The following FDFT1 variants were observed in gnomAD, a reference collection of about 807,000 sequenced individuals.
FDFT1 encodes farnesyl-diphosphate farnesyltransferase 1, also known as squalene synthase.
In FDFT1, 68 loss-of-function variants were observed where a neutral mutation model predicts 46.8. That is an observed-to-expected ratio of 1.45 (90% CI 1.19 to 1.78). The LOEUF (loss-of-function observed/expected upper bound fraction) is 1.78, where lower values mean the gene tolerates loss of function less well. FDFT1 is among the 40% of genes most tolerant of loss of function. The pLI is 0.00. For synonymous variants in FDFT1, 351 were observed against 185.1 expected, an observed-to-expected ratio of 1.90 and a Z score of -7.28; for missense variants, 928 against 524.4, an observed-to-expected ratio of 1.77 and a Z score of -7.52.
chr8:11,821,487 A>C (rs188458618), intron 3 of FDFT1, among the ~76,000 whole-genome samples: 1 of 152,194 alleles, frequency 6.6e-6, no homozygotes, highest in Non-Finnish European at 1.5e-5. Context: ...GCTCCTGGAG[A>C]GGCTGAGGCA....
chr8:11,828,704 C>T (rs1345731387), intron 5 of FDFT1, among the ~76,000 whole-genome samples: 1 of 152,248 alleles, frequency 6.6e-6, no homozygotes, highest in Non-Finnish European at 1.5e-5. Flanking sequence ...ATGAGATGAA[C>T]TTCTAGCATA....
chr8:11,832,576 A>AAAAAAAAAAAAAAAAAAAAT (rs139242873), intron 7 of FDFT1, among the ~76,000 whole-genome samples: 14 of 134,842 alleles, frequency 1.0e-4, no homozygotes, highest in South Asian at 4.7e-4. Flanking sequence ...AAAAAAAAAA[A>AAAAAAAAAAAAAAAAAAAAT]GTCTTAGAGA....
chr8:11,825,647 G>T (rs189022976), intron 4 of FDFT1, among the ~76,000 whole-genome samples: 103 of 148,628 alleles, frequency 6.9e-4, no homozygotes, highest in African/African-American at 2.4e-3. Context: ...GGGTCCAGTA[G>T]TTTGAGTCTA....
intron 1 of FDFT1, chr8:11,803,340 C>A: frequency 7.7e-7 from 1 of 1,291,908 alleles, no homozygotes; most frequent in Non-Finnish European, 1.0e-6. Context: ...ACATGAAGGC[C>A]GTTTCTGGAA....
intron 3 of FDFT1, among the ~76,000 whole-genome samples, chr8:11,815,980 C>T (rs1042657921): frequency 6.6e-6 from 1 of 152,152 alleles, no homozygotes; most frequent in African/African-American, 2.4e-5. Context: ...GCATTTTCTT[C>T]TAGGGTTTTT....
intron 3 of FDFT1, among the ~76,000 whole-genome samples, chr8:11,816,899 A>C (rs1808539816): frequency 6.6e-6 from 1 of 152,208 alleles, no homozygotes; most frequent in African/African-American, 2.4e-5. Flanking sequence ...AACTACCAAT[A>C]CTGTGTTGAA....
upstream of FDFT1, among the ~76,000 whole-genome samples, chr8:11,797,636 C>T (rs1163368536): frequency 3.8e-5 from 1 of 26,442 alleles, no homozygotes; most frequent in African/African-American, 1.3e-4. Context: ...CTCACACACA[C>T]TCAAAAAAAA....
upstream of FDFT1, chr8:11,802,394 T>G: frequency 2.2e-6 from 1 of 456,598 alleles, no homozygotes; most frequent in Non-Finnish European, 4.4e-6. Context: ...GTTGGGCTCC[T>G]GCGCATCCTA....
intron 7 of FDFT1, among the ~76,000 whole-genome samples, chr8:11,833,320 A>T (rs1811113238): frequency 2.0e-5 from 3 of 152,222 alleles, no homozygotes; most frequent in Admixed American, 1.3e-4. Context: ...ATTTGAACCC[A>T]GGTCTGTCTG....
intron 1 of FDFT1, among the ~76,000 whole-genome samples, chr8:11,804,639 T>C (rs112167590): frequency 0.02 from 2,799 of 142,958 alleles, 100 homozygotes; most frequent in African/African-American, 0.071. Context: ...AGTCTTGCTC[T>C]GTTACCCAGG....
chr8:11,821,999 T>A, intron 4 of FDFT1, 121 bp downstream of exon 4: 1 of 1,166,162 alleles, frequency 8.6e-7, no homozygotes, highest in Non-Finnish European at 1.2e-6. Context: ...TTACAATTCA[T>A]CTGTTTAGGT....
At chr8:11,822,272 CA>C (rs201434098) in intron 4 of FDFT1, among the ~76,000 whole-genome samples, 2,991 of 152,214 alleles carry the variant, frequency 0.02, 100 homozygotes, top group African/African-American at 0.069. Context: ...ATTTTAAAGC[CA>C]GTCAGATTTA....
intron 1 of FDFT1, chr8:11,803,288 G>GT (rs1806378527): frequency 3.0e-6 from 4 of 1,319,834 alleles, no homozygotes; most frequent in Non-Finnish European, 2.0e-6. Context: ...GAGAGGACGA[G>GT]TGAGTTTTTT....
upstream of FDFT1, chr8:11,802,105 T>C (rs752060822): frequency 1.1e-5 from 5 of 454,754 alleles, no homozygotes; most frequent in Non-Finnish European, 2.2e-5. Context: ...GGATCTCAAG[T>C]AAACACTAGA....
upstream of FDFT1, chr8:11,802,258 G>T (rs1265724039): frequency 2.6e-6 from 1 of 384,094 alleles, no homozygotes; most frequent in East Asian, 7.2e-5. Context: ...ACGGTTTTAG[G>T]CTCTACAGAG....
At position 11,810,897 on chromosome 8, in the gene FDFT1, G is replaced by C. The variant is rs1191786272; in HGVS notation, c.381+1047G>C. Among the ~76,000 whole-genome samples the C allele has an allele frequency of 7.5e-5, 5 of 66,490 alleles. No homozygotes were observed. In the South Asian group the frequency reaches 2.5e-3, roughly 33 times the overall value. 43.6% of individuals were successfully genotyped at this position (66,490 alleles called of 152,430 possible). ...CAGAGAGTCCTCCACCCAAACAAAA[G>C]AATCTTTGATTCTTGGGCATAATGG... On this transcript the variant is annotated intron_variant, in intron 3 of 7. Coordinates refer to ENST00000220584, the MANE Select transcript of FDFT1 (RefSeq NM_004462.5).
intron 7 of FDFT1, among the ~76,000 whole-genome samples, chr8:11,836,079 G>C (rs1032421211): frequency 2.0e-5 from 3 of 151,114 alleles, no homozygotes; most frequent in African/African-American, 4.9e-5. Flanking sequence ...CATGAACCTG[G>C]GAAGTGGAGG....
rs1400137203 is a variant in FDFT1 at position 11,821,851 on chromosome 8, T to C, written c.483T>C (p.His161=). 6.2e-7 allele frequency: 1 copy of C among 1,613,512 alleles called. No individual in the cohort carries two copies. The highest frequency in any genetic ancestry group is 1.1e-5 in the South Asian group (1 of 91,078). ...GIGMAEFLDK[H]VTSEQEWDKY... is the part of the protein sequence containing the mutation. ...GGATGGCAGAGTTTTTGGATAAGCA[T>C]GTGACCTCTGAACAGGAGTGGGACA... is the stretch of plus-strand genomic sequence containing the variant. Residue 161 remains histidine (H), a synonymous_variant, in exon 4 of 8, where the codon CAT becomes CAC. Coordinates refer to ENST00000220584, the MANE Select transcript of FDFT1 (RefSeq NM_004462.5).
At chr8:11,836,901 C>T (rs1393084205) in intron 7 of FDFT1, among the ~76,000 whole-genome samples, 7 of 152,212 alleles carry the variant, frequency 4.6e-5, no homozygotes, top group Non-Finnish European at 1.0e-4. Context: ...GCCAGGGATG[C>T]ACGCTTGCTG....
Sources: allele counts gnomAD v4.1 joint callset (sites outside exome capture counted in the v4.1 genomes callset), GRCh38; gene constraint gnomAD v4.1.1; transcripts MANE v1.5; gene names NCBI Gene and HGNC (gene_info 2026-07-23, HGNC 2026-07-21).